The following MRPL50 variants were observed in gnomAD, a reference collection of about 807,000 sequenced individuals.
MRPL50 encodes large ribosomal subunit protein mL50.
A neutral mutation model predicts 16.2 loss-of-function variants in MRPL50; 10 were observed. That is an observed-to-expected ratio of 0.62 (90% CI 0.38 to 1.05). MRPL50 has a LOEUF of 1.05. Ranked by LOEUF, MRPL50 falls within the 50% of genes least tolerant of loss-of-function variation. MRPL50 has a pLI of 0.01. For synonymous variants in MRPL50, 68 were observed against 66.8 expected (o/e 1.02, Z -0.09); for missense variants, 213 against 187.1 (o/e 1.14, Z -0.81).
At chr9:101,390,907 C>G in intron 1 of MRPL50, 57 bp from the exon 2 acceptor site, 1 of 1,511,412 alleles carries the variant, frequency 6.6e-7, no homozygotes, top group Non-Finnish European at 8.9e-7. Context: ...AAACACCAGA[C>G]CAAATCTTGC....
chr9:101,397,577 C>T (rs963584), intron 1 of MRPL50, among the ~76,000 whole-genome samples: 55,383 of 151,908 alleles, frequency 0.36, 11,623 homozygotes, highest in Non-Finnish European at 0.49. Context: ...CTTACAACAC[C>T]TAAGATATAG....
chr9:101,394,638 C>T (rs1488813208), intron 1 of MRPL50, among the ~76,000 whole-genome samples: 2 of 152,202 alleles, frequency 1.3e-5, no homozygotes, highest in African/African-American at 2.4e-5. Context: ...TGCCTTGATA[C>T]ATCAGCTCTG....
chr9:101,387,876 T>C lies in MRPL50; in HGVS notation c.*2590A>G, dbSNP rs141434363. On this transcript the variant is annotated 3_prime_UTR_variant, in exon 2 of 2. Coordinates refer to ENST00000374865, the MANE Select transcript of MRPL50 (RefSeq NM_019051.3). ...ATGTCTGATTATCTCATTAAACAAG[T>C]TAGCAAGCCTAATTTAATCTTTCAG... 4.0e-4 allele frequency: 61 copies of C among 152,216 alleles called. No homozygotes were observed. Among genetic ancestry groups the C allele is most frequent in the African/African-American group, 1.4e-3 (59 of 41,538 alleles). The allele number at this position is 152,216 out of a possible 1,614,324, so 9.4% of individuals were successfully genotyped here. A position where few individuals can be genotyped will look rare whatever the true frequency, so the allele number is the denominator to read the frequency against.
rs1275576890 is a variant in MRPL50 at position 101,388,248 on chromosome 9, A to C, written c.*2218T>G. 6.6e-6 allele frequency: 1 copy of C among 152,164 alleles called. No homozygotes were observed. The highest frequency in any genetic ancestry group is 6.5e-5 in the Admixed American group (1 of 15,268). The allele number at this position is 152,164 out of a possible 1,614,324, so 9.4% of individuals were successfully genotyped here. A position where few individuals can be genotyped will look rare whatever the true frequency, so the allele number is the denominator to read the frequency against. On this transcript the variant is annotated 3_prime_UTR_variant, in exon 2 of 2. Transcript: ENST00000374865. ...TTAACATGCGCATTAAATTTTGAGAATATTGCTCTAGGCTACAAAGGAGAA... is the reference window on the plus strand; with the variant it reads ...TTAACATGCGCATTAAATTTTGAGACTATTGCTCTAGGCTACAAAGGAGAA...
intron 1 of MRPL50, among the ~76,000 whole-genome samples, chr9:101,397,618 T>C (rs572374866): frequency 1.3e-5 from 2 of 152,256 alleles, no homozygotes; most frequent in African/African-American, 4.8e-5. Flanking sequence ...CTAAAAAATA[T>C]TTGTTGAGTG....
chr9:101,398,185 T>G (rs961659213), intron 1 of MRPL50, among the ~76,000 whole-genome samples: 1 of 152,238 alleles, frequency 6.6e-6, no homozygotes, highest in South Asian at 2.1e-4. Context: ...AGCGCTTTCA[T>G]GTGTTTGCAG....
At chr9:101,397,758 A>C (rs1353528108) in intron 1 of MRPL50, among the ~76,000 whole-genome samples, 1 of 152,256 alleles carries the variant, frequency 6.6e-6, no homozygotes, top group African/African-American at 2.4e-5. Flanking sequence ...TTTAAACCTA[A>C]GAGAGCATAC....
chr9:101,392,872 C>A (rs75002112), intron 1 of MRPL50, among the ~76,000 whole-genome samples: 1 of 151,800 alleles, frequency 6.6e-6, no homozygotes, highest in Non-Finnish European at 1.5e-5. Context: ...AGCATTACCC[C>A]GATACCAAAA....
intron 1 of MRPL50, among the ~76,000 whole-genome samples, chr9:101,395,017 T>A (rs1234536592): frequency 6.6e-6 from 1 of 152,062 alleles, no homozygotes. Context: ...GGAGAAAAAT[T>A]GGCAAACTAT....
intron 1 of MRPL50, among the ~76,000 whole-genome samples, chr9:101,396,131 G>A (rs778049823): frequency 2.3e-4 from 35 of 152,202 alleles, no homozygotes; most frequent in Non-Finnish European, 4.6e-4. Flanking sequence ...CCATTAGGAT[G>A]GTCATTACCA....
At chr9:101,397,556 A>G (rs1240288232) in intron 1 of MRPL50, among the ~76,000 whole-genome samples, 1 of 152,202 alleles carries the variant, frequency 6.6e-6, no homozygotes, top group African/African-American at 2.4e-5. Flanking sequence ...TGTTTTAGTA[A>G]CCACTGTATT....
chr9:101,392,399 C>G (rs1830285140), intron 1 of MRPL50, among the ~76,000 whole-genome samples: 1 of 151,222 alleles, frequency 6.6e-6, no homozygotes, highest in Non-Finnish European at 1.5e-5. Context: ...AAACCTTTAG[C>G]TAGACTAAAA....
In MRPL50 at chr9:101,390,288, C is replaced by G; in HGVS notation, c.*178G>C. 1.5e-6 allele frequency: 2 copies of G among 1,298,708 alleles called. No individual in the cohort carries two copies. The highest frequency in any genetic ancestry group is 2.0e-6 in the Non-Finnish European group (2 of 1,023,982). The allele number at this position is 1,298,708 out of a possible 1,614,324, so 80.4% of individuals were successfully genotyped here. A position where few individuals can be genotyped will look rare whatever the true frequency, so the allele number is the denominator to read the frequency against. Reference sequence around the variant, plus strand: ...TCAGCAAATATGAAAATAGAAAGTCCGTTATTTGTCCATTTGTAATATGAG... The same window carrying G: ...TCAGCAAATATGAAAATAGAAAGTCGGTTATTTGTCCATTTGTAATATGAG... On this transcript the variant is annotated 3_prime_UTR_variant, in exon 2 of 2. Transcript: ENST00000374865.
Position 101,390,447 on chromosome 9 carries a change from T to C in MRPL50, c.*19A>G, listed in dbSNP as rs917637156. The C allele has an allele frequency of 3.1e-6, 5 of 1,594,750 alleles. No individual in the cohort carries two copies. The highest frequency in any genetic ancestry group is 4.3e-6 in the Non-Finnish European group (5 of 1,170,074). On this transcript the variant is annotated 3_prime_UTR_variant, in exon 2 of 2. Transcript: ENST00000374865. ...TCAGGGAAAGACAGTGATTTCAATG[T>C]GTTTCTCTTCCGAATTGCTTAGTAA...
At chr9:101,394,143 C>T (rs547242382) in intron 1 of MRPL50, among the ~76,000 whole-genome samples, 1 of 152,216 alleles carries the variant, frequency 6.6e-6, no homozygotes, top group East Asian at 1.9e-4. Flanking sequence ...TTGGTAATAG[C>T]CTTTTTCTGA....
chr9:101,395,850 G>A (rs898562842), intron 1 of MRPL50, among the ~76,000 whole-genome samples: 1 of 143,442 alleles, frequency 7.0e-6, no homozygotes, highest in African/African-American at 2.5e-5. Context: ...GAGGACTACA[G>A]CTAAAAAGAG....
At chr9:101,392,053 G>C (rs1199215006) in intron 1 of MRPL50, among the ~76,000 whole-genome samples, 1 of 151,928 alleles carries the variant, frequency 6.6e-6, no homozygotes, top group East Asian at 1.9e-4. Flanking sequence ...AAAATAACAT[G>C]CTCCCAAATG....
chr9:101,397,366 C>A (rs1830366565), intron 1 of MRPL50, among the ~76,000 whole-genome samples: 1 of 152,092 alleles, frequency 6.6e-6, no homozygotes, highest in South Asian at 2.1e-4. Flanking sequence ...TAATCAACAT[C>A]AAGTTGTATA....
rs1195613899 is a variant in MRPL50, at chr9:101,388,059, T to A, written c.*2407A>T. ...CCAAGACTGTTGTTTCAGGTGGCAG[T>A]ACTTGTCTCCCACCTCAATACCAGC... On this transcript the variant is annotated 3_prime_UTR_variant, in exon 2 of 2. Transcript: ENST00000374865. The A allele has an allele frequency of 6.6e-6, 1 of 152,078 alleles. No homozygotes were observed. The highest frequency in any genetic ancestry group is 2.4e-5 in the African/African-American group (1 of 41,428). 9.4% of individuals were successfully genotyped at this position (152,078 alleles called of 1,614,324 possible).
Sources: gnomAD v4.1 joint callset for allele counts (sites outside exome capture counted in the v4.1 genomes callset) on GRCh38, gnomAD v4.1.1 for gene constraint, MANE v1.5 for transcripts, NCBI Gene and HGNC (gene_info 2026-07-23, HGNC 2026-07-21) for gene names.